The following GABRB3 variants were observed in gnomAD, a reference collection of about 807,000 sequenced individuals.
The protein encoded by GABRB3 is gamma-aminobutyric acid type A receptor subunit beta3.
GABRB3 carries 14 observed loss-of-function variants against 52.1 expected under a neutral mutation model. The ratio of observed to expected loss-of-function variants is 0.27; its 90% CI spans 0.18 to 0.42. GABRB3 has a LOEUF of 0.42. Among genes scored for constraint, GABRB3 ranks in the 10% least tolerant of loss-of-function variants. The pLI, the probability that GABRB3 is intolerant of heterozygous loss-of-function variation, is 1.00. For synonymous variants in GABRB3, 260 were observed against 232.3 expected, an observed-to-expected ratio of 1.12 and a Z score of -1.08; for missense variants, 307 against 609.1, an observed-to-expected ratio of 0.50 and a Z score of 5.22.
upstream of GABRB3, chr15:26,773,169 G>GCGGGGGAGGAGGCCGGAGAGT: frequency 4.3e-6 from 1 of 232,904 alleles, no homozygotes; most frequent in South Asian, 1.4e-4. Flanking sequence ...CGGGCGCGGG[G>GCGGGGGAGGAGGCCGGAGAGT]CGGGGGAGGA....
intron 5 of GABRB3, 36 bp from the exon 6 acceptor site, chr15:26,580,492 C>T (rs1289280628): frequency 2.5e-6 from 4 of 1,613,756 alleles, no homozygotes; most frequent in Non-Finnish European, 3.4e-6. Context: ...GCAAACATCA[C>T]CATTTCGTAT....
At chr15:26,656,145 G>A (rs1887366324) in intron 3 of GABRB3, among the ~76,000 whole-genome samples, 1 of 152,116 alleles carries the variant, frequency 6.6e-6, no homozygotes, top group Non-Finnish European at 1.5e-5. Flanking sequence ...AGGCCGCGTG[G>A]TACAGGTGAC....
chr15:26,593,103 T>G (rs1188524266), intron 4 of GABRB3, among the ~76,000 whole-genome samples: 5 of 152,150 alleles, frequency 3.3e-5, no homozygotes, highest in Non-Finnish European at 7.3e-5. Flanking sequence ...GTGATGCTGA[T>G]GCTGGTCTGG....
intron 3 of GABRB3, among the ~76,000 whole-genome samples, chr15:26,673,218 C>T (rs1317342030): frequency 6.6e-6 from 1 of 152,128 alleles, no homozygotes; most frequent in Non-Finnish European, 1.5e-5. Context: ...TTCCTTCCTT[C>T]CTTCTTTCCT....
chr15:26,660,231 G>GAA (rs1262318777), intron 3 of GABRB3, among the ~76,000 whole-genome samples: 4 of 137,912 alleles, frequency 2.9e-5, no homozygotes, highest in Non-Finnish European at 3.2e-5. Context: ...CTCCATCTCG[G>GAA]AAAAAAAAAA....
chr15:26,580,375 G>A lies in GABRB3; in HGVS notation c.626C>T (p.Pro209Leu), dbSNP rs765803669. The A allele has an allele frequency of 1.9e-6, 3 of 1,614,146 alleles. No homozygotes were observed. The highest frequency in any genetic ancestry group is 1.1e-5 in the South Asian group (1 of 91,080). ...AVTGVERIEL[P>L]QFSIVEHRLV... Reference sequence around the variant, plus strand: ...ACGGTGCTCCACGATGGAGAACTGCGGGAGCTCAATCCTTTCCACTCCGGT... The same window carrying A: ...ACGGTGCTCCACGATGGAGAACTGCAGGAGCTCAATCCTTTCCACTCCGGT... The change falls in exon 6 of 9, where the codon CCG becomes CTG. Residue 209 changes from proline (P) to leucine (L), a missense_variant. This residue lies in a region of GABRB3 where 23 missense variants were observed against 34.2 expected (regional missense o/e 0.67). Transcript: ENST00000311550.
In GABRB3 at chr15:26,547,954, G is replaced by A. The variant is rs775162860; in HGVS notation, c.1261C>T (p.Leu421Phe). Residue 421 changes from leucine (L) to phenylalanine (F), a missense_variant, in exon 9 of 9, where the codon CTC (leucine) becomes TTC (phenylalanine). Coordinates refer to ENST00000311550, the MANE Select transcript of GABRB3 (RefSeq NM_000814.6). ...CGTAGATGGGTCTTCTTGTGCGGGA[G>A]GCTTCTGTCCCCCAGGAATCGCCCA... ...GHGRFLGDRS[L>F]PHKKTHLRRR... 16 of 1,614,090 alleles carry A rather than the reference G, an allele frequency of 9.9e-6. No individual in the cohort carries two copies. In the South Asian group the frequency reaches 1.8e-4, roughly 18 times the overall value.
At chr15:26,560,266 T>C (rs1352768522) in intron 8 of GABRB3, among the ~76,000 whole-genome samples, 1 of 152,216 alleles carries the variant, frequency 6.6e-6, no homozygotes, top group African/African-American at 2.4e-5. Flanking sequence ...GCCCAAGTCC[T>C]ACACAAAGCT....
intron 3 of GABRB3, among the ~76,000 whole-genome samples, chr15:26,743,284 C>T (rs1030826549): frequency 3.9e-5 from 6 of 152,124 alleles, no homozygotes; most frequent in African/African-American, 1.4e-4. Context: ...CTCTTTTCTT[C>T]TGCCTCCCAT....
intron 8 of GABRB3, among the ~76,000 whole-genome samples, chr15:26,550,907 G>A (rs1399863922): frequency 6.6e-6 from 1 of 152,208 alleles, no homozygotes. Flanking sequence ...ACTATAGGAG[G>A]TGAGAGGGAA....
At chr15:26,554,099 AGT>A (rs1889612939) in intron 8 of GABRB3, among the ~76,000 whole-genome samples, 2 of 24,992 alleles carry the variant, frequency 8.0e-5, no homozygotes, top group South Asian at 8.2e-4. Flanking sequence ...ATATGTATAA[AGT>A]GTGTGTATAT....
At chr15:26,606,777 GATAGATATATCTATAGATAGATATATCT>G (rs1231114567) in intron 4 of GABRB3, among the ~76,000 whole-genome samples, 10 of 72,930 alleles carry the variant, frequency 1.4e-4, no homozygotes, top group African/African-American at 3.4e-4. Context: ...TCTATAGATA[GATAGATATATCTATAGATAGATATATCT>G]ATAGATAGAT....
At chr15:26,695,782 G>C (rs914387836) in intron 3 of GABRB3, among the ~76,000 whole-genome samples, 3 of 152,136 alleles carry the variant, frequency 2.0e-5, no homozygotes, top group Admixed American at 6.5e-5. Context: ...ACAGCTTCTG[G>C]ATAGGTGAAA....
At chr15:26,670,384 G>A (rs1401975307) in intron 3 of GABRB3, among the ~76,000 whole-genome samples, 1 of 152,204 alleles carries the variant, frequency 6.6e-6, no homozygotes, top group African/African-American at 2.4e-5. Flanking sequence ...TCCGGGAGGT[G>A]GCAGGTGCAG....
intron 4 of GABRB3, among the ~76,000 whole-genome samples, chr15:26,586,132 GGGACT>G (rs1890974966): frequency 1.3e-5 from 2 of 151,994 alleles, no homozygotes; most frequent in African/African-American, 4.8e-5. Flanking sequence ...CCAAGTAGAT[GGGACT>G]ACAGGCGCCT....
At chr15:26,695,574 G>C (rs1161234109) in intron 3 of GABRB3, among the ~76,000 whole-genome samples, 4 of 152,052 alleles carry the variant, frequency 2.6e-5, no homozygotes, top group Non-Finnish European at 4.4e-5. Flanking sequence ...GTTCTGCTTT[G>C]CAAGAAATTG....
chr15:26,716,508 G>C (rs982651075), intron 3 of GABRB3: 1 of 761,392 alleles, frequency 1.3e-6, no homozygotes, highest in African/African-American at 1.9e-5. Flanking sequence ...TGCTCAGGGG[G>C]TTTGAGCAAT....
intron 4 of GABRB3, among the ~76,000 whole-genome samples, chr15:26,616,926 C>T (rs1892276647): frequency 6.6e-6 from 1 of 151,492 alleles, no homozygotes; most frequent in South Asian, 2.1e-4. Context: ...CAAAGACATA[C>T]AGAGACAGAC....
chr15:26,745,008 A>T (rs1389207616), intron 3 of GABRB3, among the ~76,000 whole-genome samples: 1 of 152,106 alleles, frequency 6.6e-6, no homozygotes, highest in East Asian at 1.9e-4. Context: ...GGGAACTTTT[A>T]CTCATGGTGG....
Sources: allele counts gnomAD v4.1 joint callset (sites outside exome capture counted in the v4.1 genomes callset), GRCh38; gene constraint gnomAD v4.1.1; regional missense constraint gnomAD v4.1.1; transcripts MANE v1.5; gene names NCBI Gene and HGNC (gene_info 2026-07-23, HGNC 2026-07-21).